Variants in SOS1 observed in about 807,000 individuals in gnomAD.
SOS1 encodes son of sevenless homolog 1.
In SOS1, 25 loss-of-function variants were observed where a neutral mutation model predicts 157.6. That is an observed-to-expected ratio of 0.16 (90% CI 0.12 to 0.22). The LOEUF (loss-of-function observed/expected upper bound fraction) is 0.22, where lower values mean the gene tolerates loss of function less well. Ranked by LOEUF, SOS1 falls within the 10% of genes least tolerant of loss-of-function variation. SOS1 has a pLI of 1.00. For synonymous variants in SOS1, 528 were observed against 534.0 expected, an observed-to-expected ratio of 0.99 and a Z score of 0.16; for missense variants, 1,237 against 1,599.1, an observed-to-expected ratio of 0.77 and a Z score of 3.86.
chr2:39,001,046 C>T (rs904102231), intron 17 of SOS1, among the ~76,000 whole-genome samples: 43 of 152,154 alleles, frequency 2.8e-4, no homozygotes, highest in Non-Finnish European at 1.2e-4. Context: ...AAGGTACATC[C>T]TCCTTTTACC....
rs186970574 is a variant in SOS1, at chr2:38,999,693, C to G, written c.2792-2268G>C. On this transcript the variant is annotated intron_variant, in intron 17 of 22. Coordinates refer to ENST00000402219, the MANE Select transcript of SOS1 (RefSeq NM_005633.4). ...TGCATGATCCACTCAGCTCAGTGTT[C>G]AGTCTGACAAACACGTCCATAAGAG... 2.6e-5 allele frequency among the ~76,000 whole-genome samples: 4 copies of G among 152,312 alleles called. No homozygotes were observed. The East Asian group carries it at 7.7e-4, about 29-fold the overall frequency.
chr2:39,014,094 T>TA, intron 11 of SOS1, 105 bp from the exon 12 acceptor site: 2 of 795,328 alleles, frequency 2.5e-6, no homozygotes, highest in East Asian at 2.7e-5. Context: ...GAGAATACTG[T>TA]AAAAAATTAC....
At chr2:39,035,116 T>A in intron 8 of SOS1, 96 bp downstream of exon 8, 1 of 767,730 alleles carries the variant, frequency 1.3e-6, no homozygotes. Context: ...AACACACTAA[T>A]GTGCAGGGTA....
chr2:38,987,730 C>T (rs145405800), intron 21 of SOS1, 139 bp from the exon 22 acceptor site: 36 of 636,660 alleles, frequency 5.7e-5, no homozygotes, highest in Middle Eastern at 4.2e-4. Context: ...AAACCAATAC[C>T]GAATAGTATT....
At chr2:39,019,592 A>C (rs1669731936) in intron 10 of SOS1, among the ~76,000 whole-genome samples, 1 of 151,674 alleles carries the variant, frequency 6.6e-6, no homozygotes, top group Non-Finnish European at 1.5e-5. Flanking sequence ...ACAAGCTATA[A>C]ATTAGATTCC....
intron 1 of SOS1, among the ~76,000 whole-genome samples, chr2:39,097,557 TTC>T (rs1007418718): frequency 2.7e-5 from 4 of 147,580 alleles, no homozygotes; most frequent in African/African-American, 1.1e-4. Flanking sequence ...CCTCTTTTTT[TTC>T]TTTTTTTTTT....
chr2:39,058,184 G>C (rs1671276863), intron 3 of SOS1, among the ~76,000 whole-genome samples: 1 of 151,990 alleles, frequency 6.6e-6, no homozygotes, highest in Admixed American at 6.6e-5. Context: ...TATTCTATTA[G>C]TTCTATAGAG....
At chr2:39,115,894 T>C (rs953724861) in intron 1 of SOS1, among the ~76,000 whole-genome samples, 10 of 152,196 alleles carry the variant, frequency 6.6e-5, no homozygotes, top group Non-Finnish European at 1.3e-4. Context: ...GCTTCATCTA[T>C]ATTTATGGCT....
At chr2:39,034,989 CAAA>C in intron 8 of SOS1, 1 of 607,838 alleles carries the variant, frequency 1.6e-6, no homozygotes, top group Non-Finnish European at 3.0e-6. Context: ...AAAGAAAAAA[CAAA>C]AAACAAAAAA....
At chr2:39,100,576 T>C (rs1363384183) in intron 1 of SOS1, among the ~76,000 whole-genome samples, 1 of 152,156 alleles carries the variant, frequency 6.6e-6, no homozygotes, top group Admixed American at 6.5e-5. Flanking sequence ...AAAATACTGA[T>C]GACATCGCTT....
At chr2:39,105,858 C>T (rs1028933700) in intron 1 of SOS1, among the ~76,000 whole-genome samples, 1 of 152,098 alleles carries the variant, frequency 6.6e-6, no homozygotes, top group Non-Finnish European at 1.5e-5. Flanking sequence ...CGAGATCGCA[C>T]CATTGCACTT....
chr2:39,092,050 TAA>T (rs1400387338), intron 1 of SOS1, among the ~76,000 whole-genome samples: 1 of 152,202 alleles, frequency 6.6e-6, no homozygotes, highest in Non-Finnish European at 1.5e-5. Flanking sequence ...ATTTTTAACT[TAA>T]GTTTATGTCA....
intron 1 of SOS1, among the ~76,000 whole-genome samples, chr2:39,096,450 T>C (rs879339792): frequency 2.0e-5 from 3 of 152,236 alleles, no homozygotes; most frequent in Non-Finnish European, 2.9e-5. Flanking sequence ...AAAAATTATT[T>C]ATCAGGCTAT....
chr2:39,021,719 G>T (rs1045051140), intron 10 of SOS1, among the ~76,000 whole-genome samples: 5 of 151,486 alleles, frequency 3.3e-5, no homozygotes, highest in Admixed American at 6.6e-5. Flanking sequence ...GGAAAATGTG[G>T]CAAGAAGGGC....
Position 39,120,562 on chromosome 2 carries a change from G to C in SOS1, c.-140C>G, listed in dbSNP as rs1390734450. On this transcript the variant is annotated 5_prime_UTR_variant, in exon 1 of 23. Coordinates refer to ENST00000402219, the MANE Select transcript of SOS1 (RefSeq NM_005633.4). ...GCCCCCTCCGGGCGCCGCGCAGCCG[G>C]GCTAGCCCTGGCGAGGGGGCTGGGG... 1.0e-6 allele frequency: 1 copy of C among 989,452 alleles called. No individual in the cohort carries two copies. Among genetic ancestry groups the C allele is most frequent in the Non-Finnish European group, 1.2e-6 (1 of 820,736 alleles). 61.3% of individuals were successfully genotyped at this position (989,452 alleles called of 1,614,324 possible).
In SOS1 at chr2:39,006,515, G is replaced by C; in HGVS notation, c.2688C>G (p.Arg896=). 2.5e-6 allele frequency: 4 copies of C among 1,586,850 alleles called. No individual in the cohort carries two copies. Among genetic ancestry groups the C allele is most frequent in the Non-Finnish European group, 3.5e-6 (4 of 1,155,996 alleles). Residue 896 remains arginine (R), a synonymous_variant, in exon 17 of 23, where the codon CGC becomes CGG. Transcript: ENST00000402219. ...GAGCTTCTTCTAAAATTTTCTTCTG[G>C]CGACTTGGTATTTGCTATAAGGAAA... ...LDHTFEQIPS[R]QKKILEEAHE...
intron 17 of SOS1, among the ~76,000 whole-genome samples, chr2:39,001,491 T>A (rs1454225): frequency 6.6e-6 from 1 of 152,196 alleles, no homozygotes; most frequent in Non-Finnish European, 1.5e-5. Context: ...GCCCTACTTT[T>A]ATTCTTTAAA....
chr2:39,117,257 T>C (rs1449336819), intron 1 of SOS1, among the ~76,000 whole-genome samples: 1 of 152,188 alleles, frequency 6.6e-6, no homozygotes, highest in Non-Finnish European at 1.5e-5. Context: ...CTTGAATTCC[T>C]GACCTCGTGA....
intron 1 of SOS1, among the ~76,000 whole-genome samples, chr2:39,076,514 T>A (rs1672003551): frequency 6.6e-6 from 1 of 152,176 alleles, no homozygotes; most frequent in South Asian, 2.1e-4. Flanking sequence ...AAAGTAAATC[T>A]TTTGTGATTC....
Sources: gnomAD v4.1 joint callset for allele counts (sites outside exome capture counted in the v4.1 genomes callset) on GRCh38, gnomAD v4.1.1 for gene constraint, MANE v1.5 for transcripts, NCBI Gene and HGNC (gene_info 2026-07-23, HGNC 2026-07-21) for gene names.